The following MACROD2 variants were observed in gnomAD, a reference collection of about 807,000 sequenced individuals.
MACROD2 encodes the protein ADP-ribose glycohydrolase MACROD2.
In MACROD2, 36 loss-of-function variants were observed where a neutral mutation model predicts 70.4. The ratio of observed to expected loss-of-function variants is 0.51; its 90% CI spans 0.39 to 0.68. The LOEUF (loss-of-function observed/expected upper bound fraction) is 0.68, where lower values mean the gene tolerates loss of function less well. MACROD2 is among the 30% of genes least tolerant of loss of function. MACROD2 has a pLI of 0.00. For missense variants in MACROD2, 496 were observed against 538.4 expected, an observed-to-expected ratio of 0.92 and a Z score of 0.78; for synonymous variants, 172 against 178.8, an observed-to-expected ratio of 0.96 and a Z score of 0.30.
Position 15,847,147 on chromosome 20 carries a change from A to G in MACROD2, c.646-15598A>G, listed in dbSNP as rs189470601. On this transcript the variant is annotated intron_variant, in intron 8 of 17. Coordinates refer to ENST00000684519, the MANE Select transcript of MACROD2 (RefSeq NM_001351661.2). ...AATATTTTTTACAGCTGTTCACAGA[A>G]TTAAATTTTAGCTTTCTTCTCCTCA... 3.8e-3 allele frequency among the ~76,000 whole-genome samples: 575 copies of G among 152,266 alleles called. 13 individuals carry two copies. The highest frequency in any genetic ancestry group is 0.035 in the Admixed American group (540 of 15,280).
At chr20:15,428,490 C>A (rs2046326740) in intron 6 of MACROD2, among the ~76,000 whole-genome samples, 1 of 152,144 alleles carries the variant, frequency 6.6e-6, no homozygotes, top group East Asian at 1.9e-4. Flanking sequence ...ATATATCCTC[C>A]CTGTACTAGA....
At chr20:14,497,070 T>G (rs1464796236) in intron 4 of MACROD2, among the ~76,000 whole-genome samples, 1 of 151,700 alleles carries the variant, frequency 6.6e-6, no homozygotes, top group Non-Finnish European at 1.5e-5. Context: ...CTCTCCAGGT[T>G]TGCTTTTCTA....
chr20:15,770,095 T>TA (rs1285680617), intron 8 of MACROD2, among the ~76,000 whole-genome samples: 2 of 97,654 alleles, frequency 2.0e-5, no homozygotes, highest in African/African-American at 6.9e-5. Context: ...TTTTCTTTTT[T>TA]TTTTTTTTTT....
chr20:14,275,736 A>G (rs984455763), intron 3 of MACROD2, among the ~76,000 whole-genome samples: 42 of 152,194 alleles, frequency 2.8e-4, no homozygotes, highest in Non-Finnish European at 5.4e-4. Context: ...TACTCATCTG[A>G]CAAAGGGCTA....
chr20:14,176,373 G>A (rs1040812305), intron 3 of MACROD2, among the ~76,000 whole-genome samples: 6 of 152,200 alleles, frequency 3.9e-5, no homozygotes, highest in African/African-American at 1.4e-4. Context: ...TAATGTGTTT[G>A]TGCAGTTAAG....
chr20:15,115,803 A>T (rs4814336), intron 5 of MACROD2, among the ~76,000 whole-genome samples: 134,505 of 152,086 alleles, frequency 0.88, 59,648 homozygotes, highest in East Asian at 1. Context: ...ATAATTTTTT[A>T]AACTAGGAAA....
At chr20:15,903,995 T>C (rs1434018799) in intron 10 of MACROD2, among the ~76,000 whole-genome samples, 1 of 152,178 alleles carries the variant, frequency 6.6e-6, no homozygotes, top group Admixed American at 6.5e-5. Context: ...GTTTTCATTC[T>C]CTCCGCCACT....
chr20:14,697,429 C>T (rs2071139822), intron 5 of MACROD2, among the ~76,000 whole-genome samples: 1 of 152,170 alleles, frequency 6.6e-6, no homozygotes, highest in African/African-American at 2.4e-5. Flanking sequence ...CAGGGAACTG[C>T]ACATCAAGAG....
intron 6 of MACROD2, among the ~76,000 whole-genome samples, chr20:15,312,074 T>C (rs1244263334): frequency 6.6e-6 from 1 of 152,136 alleles, no homozygotes; most frequent in African/African-American, 2.4e-5. Context: ...TACATATAAA[T>C]GAAAAACATG....
chr20:14,045,264 C>A (rs6033869), intron 2 of MACROD2, among the ~76,000 whole-genome samples: 2 of 152,246 alleles, frequency 1.3e-5, no homozygotes, highest in African/African-American at 4.8e-5. Context: ...GCCCCTCAAG[C>A]GCAGCCAGAG....
At chr20:16,047,995 A>G (rs532815999) in intron 17 of MACROD2, among the ~76,000 whole-genome samples, 7 of 152,224 alleles carry the variant, frequency 4.6e-5, no homozygotes, top group Non-Finnish European at 7.3e-5. Flanking sequence ...TAGAAACCGC[A>G]AATACACTGT....
At chr20:15,986,080 A>T (rs952223839) in intron 13 of MACROD2, 1 of 152,222 alleles carries the variant, frequency 6.6e-6, no homozygotes, top group African/African-American at 2.4e-5. Flanking sequence ...TTTCTAAGTT[A>T]TGAGTTGATT....
chr20:15,571,939 A>G (rs1057033317), intron 8 of MACROD2, among the ~76,000 whole-genome samples: 1 of 152,120 alleles, frequency 6.6e-6, no homozygotes, highest in African/African-American at 2.4e-5. Context: ...TATTTTGACC[A>G]CAGTTTTTTT....
chr20:14,230,141 A>G (rs1056868731), intron 3 of MACROD2, among the ~76,000 whole-genome samples: 4 of 152,066 alleles, frequency 2.6e-5, no homozygotes, highest in African/African-American at 9.7e-5. Flanking sequence ...GATCAGGGTG[A>G]TGGTTGCTGA....
Position 14,544,697 on chromosome 20 carries a change from A to C in MACROD2, c.301+51189A>C, listed in dbSNP as rs149837282. On this transcript the variant is annotated intron_variant, in intron 4 of 17. Coordinates refer to ENST00000684519, the MANE Select transcript of MACROD2 (RefSeq NM_001351661.2). ...AGGAACACTGATAGGGGAGTGAAAA[A>C]GTAGGGCAGAGAAGGAAAAAAGCCA... 1.9e-3 allele frequency among the ~76,000 whole-genome samples: 293 copies of C among 152,264 alleles called. 3 individuals carry two copies. Among genetic ancestry groups the C allele is most frequent in the African/African-American group, 6.8e-3 (282 of 41,558 alleles).
chr20:15,277,046 A>G (rs941720089), intron 6 of MACROD2, among the ~76,000 whole-genome samples: 2 of 152,224 alleles, frequency 1.3e-5, no homozygotes, highest in African/African-American at 4.8e-5. Flanking sequence ...AAAATTTGTT[A>G]CCTCAAAGAG....
chr20:14,493,765 A>G lies in MACROD2; in HGVS notation c.301+257A>G, dbSNP rs548690589. 3.1e-5 allele frequency: 10 copies of G among 317,814 alleles called. No homozygotes were observed. In the East Asian group the frequency reaches 6.0e-4, roughly 19 times the overall value. The allele number at this position is 317,814 out of a possible 1,614,324, so 19.7% of individuals were successfully genotyped here. A position where few individuals can be genotyped will look rare whatever the true frequency, so the allele number is the denominator to read the frequency against. ...GCTTTTGGCATAAGGTGTAACAGCT[A>G]TAAGCTATATGAACACACATGTAAT... On this transcript the variant is annotated intron_variant, in intron 4 of 17. Coordinates refer to ENST00000684519, the MANE Select transcript of MACROD2 (RefSeq NM_001351661.2).
chr20:15,056,430 A>G (rs111380390), intron 5 of MACROD2, among the ~76,000 whole-genome samples: 46 of 152,244 alleles, frequency 3.0e-4, no homozygotes, highest in African/African-American at 1.1e-3. Context: ...TTTTGACTAA[A>G]TGCTTCATTT....
At chr20:14,026,963 GCCT>G (rs2148628819) in intron 2 of MACROD2, among the ~76,000 whole-genome samples, 1 of 152,334 alleles carries the variant, frequency 6.6e-6, no homozygotes, top group East Asian at 1.9e-4. Flanking sequence ...GGGACAGACT[GCCT>G]CCTCAAGTGG....
Sources: gnomAD v4.1 joint callset for allele counts (sites outside exome capture counted in the v4.1 genomes callset) on GRCh38, gnomAD v4.1.1 for gene constraint, MANE v1.5 for transcripts, NCBI Gene and HGNC (gene_info 2026-07-23, HGNC 2026-07-21) for gene names.